Variants in SPIDR observed in about 807,000 individuals in gnomAD.
SPIDR encodes DNA repair-scaffolding protein.
Under a neutral mutation model 104.6 loss-of-function variants are expected in SPIDR, and 93 were observed. The ratio of observed to expected loss-of-function variants is 0.89; its 90% CI spans 0.75 to 1.06. SPIDR has a LOEUF of 1.06. Ranked by LOEUF, SPIDR falls within the 50% of genes least tolerant of loss-of-function variation. The pLI is 0.00. For synonymous variants in SPIDR, 431 were observed against 416.9 expected (o/e 1.03, Z -0.41); for missense variants, 1,154 against 1,111.2 (o/e 1.04, Z -0.55).
intron 9 of SPIDR, 70 bp downstream of exon 9, chr8:47,596,076 G>A (rs2061593492): frequency 7.2e-7 from 1 of 1,388,904 alleles, no homozygotes; most frequent in African/African-American, 1.5e-5. Flanking sequence ...AAGGGCTTCA[G>A]TGTAAGTGAA....
At chr8:47,433,108 C>A (rs1398696965) in intron 7 of SPIDR, among the ~76,000 whole-genome samples, 1 of 152,114 alleles carries the variant, frequency 6.6e-6, no homozygotes, top group Non-Finnish European at 1.5e-5. Context: ...TTGCTCAGGC[C>A]AAACCCACTG....
At chr8:47,472,072 C>T (rs1327925036) in intron 8 of SPIDR, among the ~76,000 whole-genome samples, 7 of 152,222 alleles carry the variant, frequency 4.6e-5, no homozygotes, top group Non-Finnish European at 8.8e-5. Flanking sequence ...TCCTGAATCT[C>T]CTTTAACCTT....
intron 8 of SPIDR, among the ~76,000 whole-genome samples, chr8:47,552,638 T>G (rs2090709125): frequency 6.6e-6 from 1 of 152,206 alleles, no homozygotes; most frequent in African/African-American, 2.4e-5. Context: ...TCCCTTTGTT[T>G]TGAGCCTATT....
intron 5 of SPIDR, among the ~76,000 whole-genome samples, chr8:47,374,215 C>T (rs1227908144): frequency 3.3e-5 from 5 of 152,104 alleles, no homozygotes; most frequent in African/African-American, 7.2e-5. Flanking sequence ...TAATAGTAAG[C>T]AGTTCCATTA....
At chr8:47,282,910 C>T (rs1022889590) in intron 2 of SPIDR, among the ~76,000 whole-genome samples, 18 of 151,528 alleles carry the variant, frequency 1.2e-4, no homozygotes, top group African/African-American at 4.4e-4. Context: ...GGGTGGAGTG[C>T]AATGGTGCGA....
rs374043047 is a variant in SPIDR, at chr8:47,482,535, A to G, written c.1097+41993A>G. On this transcript the variant is annotated intron_variant, in intron 8 of 19. Transcript: ENST00000297423. Reference sequence around the variant, plus strand: ...CAGGGCCAGCAGATACTGATGGAGCAGATGTTCTCTGAGGCTGTAGGTGCT... The same window carrying G: ...CAGGGCCAGCAGATACTGATGGAGCGGATGTTCTCTGAGGCTGTAGGTGCT... Among the ~76,000 whole-genome samples the G allele has an allele frequency of 9.2e-5, 14 of 152,302 alleles. 1 individual carries two copies. Among genetic ancestry groups the G allele is most frequent in the African/African-American group, 3.4e-4 (14 of 41,574 alleles).
chr8:47,334,245 A>G (rs1195057184), intron 5 of SPIDR, among the ~76,000 whole-genome samples: 1 of 152,130 alleles, frequency 6.6e-6, no homozygotes, highest in Non-Finnish European at 1.5e-5. Context: ...GTATTCTGCT[A>G]TTGTTGGATG....
chr8:47,463,718 C>A (rs1234730145), intron 8 of SPIDR, among the ~76,000 whole-genome samples: 2 of 152,132 alleles, frequency 1.3e-5, no homozygotes, highest in African/African-American at 4.8e-5. Context: ...TTCACAAAAA[C>A]CAATTCATGT....
intron 8 of SPIDR, among the ~76,000 whole-genome samples, chr8:47,538,857 CTTTTT>C (rs1161571829): frequency 9.9e-6 from 1 of 100,866 alleles, no homozygotes. Context: ...TTTTTCTTTT[CTTTTT>C]TTTTTTTTTT....
At chr8:47,650,095 G>C (rs1462071641) in intron 10 of SPIDR, among the ~76,000 whole-genome samples, 1 of 152,128 alleles carries the variant, frequency 6.6e-6, no homozygotes, top group African/African-American at 2.4e-5. Context: ...ATAGTACTGG[G>C]AGTGCTAGCC....
At chr8:47,571,368 C>T (rs772768321) in intron 8 of SPIDR, among the ~76,000 whole-genome samples, 4 of 152,148 alleles carry the variant, frequency 2.6e-5, no homozygotes, top group Non-Finnish European at 5.9e-5. Flanking sequence ...ATACGTACTT[C>T]AGACATCACA....
chr8:47,466,085 A>G (rs1359138331), intron 8 of SPIDR, among the ~76,000 whole-genome samples: 1 of 152,176 alleles, frequency 6.6e-6, no homozygotes, highest in East Asian at 1.9e-4. Context: ...GGAGATTTCA[A>G]CACCCCACTG....
At chr8:47,450,944 G>A (rs117461168) in intron 8 of SPIDR, among the ~76,000 whole-genome samples, 2 of 152,186 alleles carry the variant, frequency 1.3e-5, no homozygotes, top group East Asian at 1.9e-4. Context: ...CTGAGGAGTG[G>A]GATAATTAGA....
intron 11 of SPIDR, among the ~76,000 whole-genome samples, chr8:47,675,571 G>A (rs961944835): frequency 6.6e-6 from 1 of 152,022 alleles, no homozygotes; most frequent in South Asian, 2.1e-4. Flanking sequence ...CACACTTTGG[G>A]AAGCCAAGGC....
intron 8 of SPIDR, among the ~76,000 whole-genome samples, chr8:47,549,297 G>C (rs750460105): frequency 6.6e-6 from 1 of 152,152 alleles, no homozygotes; most frequent in Non-Finnish European, 1.5e-5. Flanking sequence ...TAATGGGCTC[G>C]TTGGGTCAAA....
At chr8:47,570,164 C>T (rs1219899299) in intron 8 of SPIDR, among the ~76,000 whole-genome samples, 1 of 152,070 alleles carries the variant, frequency 6.6e-6, no homozygotes, top group Non-Finnish European at 1.5e-5. Flanking sequence ...TCACCCTTTC[C>T]AATTTAAAAA....
At chr8:47,345,184 T>C (rs1554616968) in intron 5 of SPIDR, among the ~76,000 whole-genome samples, 1 of 152,234 alleles carries the variant, frequency 6.6e-6, no homozygotes, top group African/African-American at 2.4e-5. Context: ...TACATATGGC[T>C]AGCCAGTTTT....
chr8:47,650,425 G>A (rs917300460), intron 10 of SPIDR, among the ~76,000 whole-genome samples: 7 of 152,138 alleles, frequency 4.6e-5, no homozygotes, highest in African/African-American at 1.2e-4. Context: ...AAAGAGAACC[G>A]GAAAACACTG....
intron 5 of SPIDR, among the ~76,000 whole-genome samples, chr8:47,302,983 G>A (rs2042436869): frequency 6.6e-6 from 1 of 151,986 alleles, no homozygotes; most frequent in Non-Finnish European, 1.5e-5. Flanking sequence ...TGTCAGACAG[G>A]TACATTTAAT....
Sources: allele counts gnomAD v4.1 joint callset (sites outside exome capture counted in the v4.1 genomes callset), GRCh38; gene constraint gnomAD v4.1.1; transcripts MANE v1.5; gene names NCBI Gene and HGNC (gene_info 2026-07-23, HGNC 2026-07-21).